The following TTN variants were observed in gnomAD, a reference collection of about 807,000 sequenced individuals.
TTN encodes titin, also known as connectin.
A neutral mutation model predicts 3,223.0 loss-of-function variants in TTN; 1,525 were observed. That is an observed-to-expected ratio of 0.47 (90% CI 0.45 to 0.49). The LOEUF (loss-of-function observed/expected upper bound fraction) is 0.49, where lower values mean the gene tolerates loss of function less well. Ranked by LOEUF, TTN falls within the 20% of genes least tolerant of loss-of-function variation. The probability of loss-of-function intolerance (pLI) is 0.00; values close to 1 mark genes in which losing one functional copy is unlikely to be tolerated. For missense variants in TTN, 40,786 were observed against 43,424.0 expected, an observed-to-expected ratio of 0.94 and a Z score of 5.40; for synonymous variants, 14,094 against 15,161.0, an observed-to-expected ratio of 0.93 and a Z score of 5.17.
chr2:178,685,471 G>C lies in TTN; in HGVS notation c.32392+47C>G, dbSNP rs1438951072. ...ATTAGCTATAAGGAAACATAAAGAA[G>C]GAGACAAGCTAACATAGGGATAAAA... On this transcript the variant is annotated intron_variant, in intron 128 of 362. Coordinates refer to ENST00000589042, the MANE Select transcript of TTN (RefSeq NM_001267550.2). 1.9e-6 allele frequency: 3 copies of C among 1,558,526 alleles called. No individual in the cohort carries two copies. In the Admixed American group the frequency reaches 5.5e-5, roughly 29 times the overall value.
chr2:178,594,327 T>C lies in TTN; in HGVS notation c.58150+17A>G, dbSNP rs779666540. On this transcript the variant is annotated intron_variant, in intron 296 of 362. Coordinates refer to ENST00000589042, the MANE Select transcript of TTN (RefSeq NM_001267550.2). ...AATGTGCAAGTTTCAGAAGTATAAA[T>C]TGTAGTAGACACATACCCAGCTCAT... The C allele has an allele frequency of 8.1e-5, 128 of 1,589,850 alleles. 1 individual carries two copies. In the South Asian group the frequency reaches 1.4e-3, roughly 18 times the overall value.
chr2:178,569,546 CT>C lies in TTN; in HGVS notation c.76585del (p.Arg25529GlyfsTer6). Reference protein sequence around the residue: ...IINIRAGGSLRLFVPIKGRPT... With the variant: ...IINIRAGGSLXLFVPIKGRPT... ...ACGACCTTTTATAGGAACAAATAAC[CT>C]TAAGGAGCCACCTGCCCTTATATTT... On this transcript the variant is annotated frameshift_variant, in exon 326 of 363. Transcript: ENST00000589042. LOFTEE classifies it high-confidence loss of function. 6.2e-7 allele frequency: 1 copy of C among 1,612,968 alleles called. No individual in the cohort carries two copies. Among genetic ancestry groups the C allele is most frequent in the Non-Finnish European group, 8.5e-7 (1 of 1,179,506 alleles).
intron 10 of TTN, 132 bp from the exon 11 acceptor site, chr2:178,790,977 G>T: frequency 1.8e-6 from 2 of 1,141,514 alleles, no homozygotes; most frequent in Non-Finnish European, 2.5e-6. Context: ...CCATTTCAGG[G>T]GCCTACACTT....
At position 178,777,133 on chromosome 2, in the gene TTN, T is replaced by C. The variant is rs2092314498; in HGVS notation, c.4814+16A>G. ...GATTTGTATAATGAGCTTAGCTTTA[T>C]TATTTCCATACTTACCTGATTTTGG... On this transcript the variant is annotated intron_variant, in intron 27 of 362. Coordinates refer to ENST00000589042, the MANE Select transcript of TTN (RefSeq NM_001267550.2). 15 of 1,614,082 alleles carry C rather than the reference T, an allele frequency of 9.3e-6. No individual in the cohort carries two copies. The highest frequency in any genetic ancestry group is 1.1e-5 in the Non-Finnish European group (13 of 1,179,964).
chr2:178,667,192 CA>C, intron 162 of TTN, 43 bp downstream of exon 162: 26 of 1,465,458 alleles, frequency 1.8e-5, no homozygotes, highest in Non-Finnish European at 2.4e-5. Flanking sequence ...AGACTGAAGA[CA>C]GTATATTTTC....
In TTN at chr2:178,783,780, T is replaced by G. The variant is rs55892860; in HGVS notation, c.2781A>C (p.Thr927=). ...EVLHGREAKV[T]ETARVPAPVE... ...CAGGTGCTGGTACTCTTGCTGTTTC[T>G]GTTACCTAGATTTTTACAAATTATA... is the stretch of plus-strand genomic sequence containing the variant. The change falls in exon 17 of 363, where the codon ACA becomes ACC. Residue 927 remains threonine (T), a synonymous_variant. Coordinates refer to ENST00000589042, the MANE Select transcript of TTN (RefSeq NM_001267550.2). 2.8e-3 allele frequency: 4,462 copies of G among 1,613,376 alleles called. 117 individuals are homozygous for G. In the African/African-American group the frequency reaches 0.052, roughly 19 times the overall value.
chr2:178,587,935 C>T lies in TTN; in HGVS notation c.63472G>A (p.Glu21158Lys). The T allele has an allele frequency of 1.2e-6, 2 of 1,606,572 alleles. No individual in the cohort carries two copies. The highest frequency in any genetic ancestry group is 1.1e-5 in the South Asian group (1 of 90,292). Residue 21158 changes from glutamate to lysine, a missense_variant, in exon 305 of 363, where the codon GAG becomes AAG. Coordinates refer to ENST00000589042, the MANE Select transcript of TTN (RefSeq NM_001267550.2). Reference sequence around the variant, plus strand: ...TTAGGTTTGATAGCTTCCTTTAGCTCTGCAGGGCGCCCAATACCAACTTGG... The same window carrying T: ...TTAGGTTTGATAGCTTCCTTTAGCTTTGCAGGGCGCCCAATACCAACTTGG... ...QNQVGIGRPAELKEAIKPKEI... is the reference protein window; with the variant it reads ...QNQVGIGRPAKLKEAIKPKEI...
At position 178,612,068 on chromosome 2, in the gene TTN, T is replaced by C. The variant is rs1308398441; in HGVS notation, c.50343A>G (p.Arg16781=). 1 of 1,610,682 alleles carries C rather than the reference T, an allele frequency of 6.2e-7. No individual in the cohort carries two copies. The stretch of plus-strand genomic sequence containing the variant: ...AATTCAAATTCTACCTCTGTATTGG[T>C]CTTCCACCATCATTTTTAGGTGGCT... The part of the protein sequence containing the change: ...KWEPPKNDGG[R]PIQRYVIEKK... Residue 16781 remains arginine, a synonymous_variant, in exon 267 of 363, where the codon AGA becomes AGG. Coordinates refer to ENST00000589042, the MANE Select transcript of TTN (RefSeq NM_001267550.2).
At chr2:178,647,202 CT>C in intron 214 of TTN, 58 bp from the exon 215 acceptor site, 1 of 1,173,412 alleles carries the variant, frequency 8.5e-7, no homozygotes, top group Non-Finnish European at 1.2e-6. Flanking sequence ...ACTGCAACTA[CT>C]ATTCTAACAT....
chr2:178,781,112 T>G lies in TTN; in HGVS notation c.3523+9A>C, dbSNP rs727503700. 1 of 1,613,882 alleles carries G rather than the reference T, an allele frequency of 6.2e-7. No individual in the cohort carries two copies. The highest frequency in any genetic ancestry group is 8.5e-7 in the Non-Finnish European group (1 of 1,179,896). ...TTATCATGCACATAGAAACTGGAGT[T>G]GCACTTACCTTCTTCAAGCAAGGAA... On this transcript the variant is annotated intron_variant, in intron 21 of 362. Transcript: ENST00000589042.
intron 3 of TTN, 131 bp downstream of exon 3, chr2:178,802,007 C>A (rs1039612934): frequency 2.7e-6 from 3 of 1,108,428 alleles, no homozygotes; most frequent in Middle Eastern, 2.9e-4. Context: ...AATAATTCAG[C>A]CTCCAGTAGA....
rs775499341 is a variant in TTN, at chr2:178,563,051, C to T, written c.83081G>A (p.Arg27694His). 5.2e-5 allele frequency: 84 copies of T among 1,613,472 alleles called. No homozygotes were observed. In the East Asian group the frequency reaches 6.0e-4, roughly 12 times the overall value. Residue 27694 changes from arginine (R) to histidine (H), a missense_variant, in exon 326 of 363, where the codon CGC becomes CAC. By Grantham distance (29) the Arg-to-His change is conservative (BLOSUM62 0). Transcript: ENST00000589042. This position sits in a 1 kb window ranked among gnomAD's most constrained non-coding sequence, Gnocchi z 4.5. ...VVVLRASATL[R>H]LFVTIKGRPE... ...TCGACCTTTGATAGTGACAAATAAGCGTAAAGTAGCACTTGCACGCAGAAC... is the reference window on the plus strand; with the variant it reads ...TCGACCTTTGATAGTGACAAATAAGTGTAAAGTAGCACTTGCACGCAGAAC...
rs1257715796 is a variant in TTN, at chr2:178,741,777, C to T, written c.11456G>A (p.Gly3819Asp). 6.2e-7 allele frequency: 1 copy of T among 1,613,472 alleles called. No individual in the cohort carries two copies. Among genetic ancestry groups the T allele is most frequent in the Admixed American group, 1.7e-5 (1 of 59,950 alleles). Residue 3819 changes from glycine (G) to aspartate (D), a missense_variant, in exon 48 of 363, where the codon GGC (glycine) becomes GAC (aspartate). Gly to Asp is a moderately conservative substitution (Grantham distance 94, BLOSUM62 -1). Coordinates refer to ENST00000589042, the MANE Select transcript of TTN (RefSeq NM_001267550.2). The part of the protein sequence containing the change: ...TKFDSEKEGT[G>D]PIFIKEVSNA... ...TGACACTTCTTTGATGAAAATTGGGCCAGTGCCTTCCTTTTCGGAATCAAA... is the reference window on the plus strand; with the variant it reads ...TGACACTTCTTTGATGAAAATTGGGTCAGTGCCTTCCTTTTCGGAATCAAA...
intron 67 of TTN, 62 bp from the exon 68 acceptor site, chr2:178,727,925 T>C: frequency 6.8e-7 from 1 of 1,477,790 alleles, no homozygotes; most frequent in East Asian, 2.4e-5. Flanking sequence ...TTGTGACAGT[T>C]TTATGGACAT....
At chr2:178,701,891 G>A in intron 109 of TTN, 149 bp downstream of exon 109, 1 of 850,616 alleles carries the variant, frequency 1.2e-6, no homozygotes, top group Non-Finnish European at 1.8e-6. Flanking sequence ...TTATTTGACT[G>A]AAAGTAATTC....
rs530166666 is a variant in TTN, at chr2:178,651,851, C to A, written c.39379+33G>T. On this transcript the variant is annotated intron_variant, in intron 205 of 362. Coordinates refer to ENST00000589042, the MANE Select transcript of TTN (RefSeq NM_001267550.2). The stretch of plus-strand genomic sequence containing the variant: ...TCAGGGCAGGAAGGGGAAAGAGTGG[C>A]CGAGGTGTCCTAGCAGCTTTCTTGC... 13 of 1,598,750 alleles carry A rather than the reference C, an allele frequency of 8.1e-6. No homozygotes were observed. The African/African-American group carries it at 9.4e-5, about 12-fold the overall frequency.
Position 178,732,011 on chromosome 2 carries a change from G to T in TTN, c.16904-40C>A, listed in dbSNP as rs772983007. 9.4e-5 allele frequency: 149 copies of T among 1,590,130 alleles called. 2 individuals are homozygous for T. In the Middle Eastern group the frequency reaches 3.9e-3, roughly 41 times the overall value. On this transcript the variant is annotated intron_variant, in intron 57 of 362. Coordinates refer to ENST00000589042, the MANE Select transcript of TTN (RefSeq NM_001267550.2). ...GAATGATTTGCATTAAGGGAGGAGG[G>T]GTCTGTGCCATGGGCCATAACTTTG...
chr2:178,767,608 A>T, intron 40 of TTN, 151 bp downstream of exon 40: 10 of 1,070,632 alleles, frequency 9.3e-6, no homozygotes, highest in Non-Finnish European at 1.4e-5. Flanking sequence ...AATTGAGGTC[A>T]GCATAAGAGA....
At position 178,777,255 on chromosome 2, in the gene TTN, C is replaced by A; in HGVS notation, c.4708G>T (p.Gly1570Cys). Residue 1570 changes from glycine to cysteine, a missense_variant, in exon 27 of 363, where the codon GGT becomes TGT. By Grantham distance (159) the Gly-to-Cys change is radical (BLOSUM62 -3). Coordinates refer to ENST00000589042, the MANE Select transcript of TTN (RefSeq NM_001267550.2). Reference protein sequence around the residue: ...EKLKNVNIKEGSRLEMKVRAT... With the variant: ...EKLKNVNIKECSRLEMKVRAT... ...CTGACTTTCATTTCAAGTCGGGAAC[C>A]TTCCTTTATATTGACATTTTTCAGT... is the stretch of plus-strand genomic sequence containing the variant. The A allele has an allele frequency of 1.2e-6, 2 of 1,614,074 alleles. No homozygotes were observed. Among genetic ancestry groups the A allele is most frequent in the African/African-American group, 1.3e-5 (1 of 75,044 alleles).
Sources: gnomAD v4.1 joint callset for allele counts on GRCh38, gnomAD v4.1.1 for gene constraint, Gnocchi (gnomAD v3.1) non-coding constraint, MANE v1.5 for transcripts, NCBI Gene and HGNC (gene_info 2026-07-23, HGNC 2026-07-21) for gene names.